WWOX: variants seen among roughly 807,000 people sequenced by gnomAD.
WWOX encodes WW domain containing oxidoreductase.
Under a neutral mutation model 46.2 loss-of-function variants are expected in WWOX, and 69 were observed. The observed-to-expected ratio is 1.49, with a 90% confidence interval of 1.23 to 1.82. The LOEUF is 1.82. WWOX is among the 40% of genes most tolerant of loss of function. The probability of loss-of-function intolerance (pLI) is 0.00; values close to 1 mark genes in which losing one functional copy is unlikely to be tolerated. For missense variants in WWOX, 919 were observed against 542.6 expected, an observed-to-expected ratio of 1.69 and a Z score of -6.89; for synonymous variants, 359 against 202.6, an observed-to-expected ratio of 1.77 and a Z score of -6.56.
chr16:78,606,865 C>A (rs142725183), intron 8 of WWOX, among the ~76,000 whole-genome samples: 1 of 152,042 alleles, frequency 6.6e-6, no homozygotes, highest in African/African-American at 2.4e-5. Flanking sequence ...AGTACCTGAA[C>A]ACTTGAGTGG....
chr16:78,135,483 T>G (rs868556434), intron 4 of WWOX, among the ~76,000 whole-genome samples: 5 of 152,202 alleles, frequency 3.3e-5, no homozygotes, highest in South Asian at 2.1e-4. Flanking sequence ...AAATTCAATT[T>G]TGTTAATGTT....
chr16:79,025,139 G>GTTTT (rs1354451832), intron 8 of WWOX, among the ~76,000 whole-genome samples: 1 of 152,144 alleles, frequency 6.6e-6, no homozygotes, highest in Non-Finnish European at 1.5e-5. Context: ...GTTTTGTTTT[G>GTTTT]TTTTGCTTGT....
intron 8 of WWOX, among the ~76,000 whole-genome samples, chr16:78,628,389 C>G (rs552045782): frequency 6.6e-6 from 1 of 152,264 alleles, no homozygotes; most frequent in Non-Finnish European, 1.5e-5. Flanking sequence ...TGTGGCCATT[C>G]TGATTTACTA....
chr16:79,123,866 A>G (rs1449983524), intron 8 of WWOX, among the ~76,000 whole-genome samples: 3 of 152,226 alleles, frequency 2.0e-5, no homozygotes, highest in Non-Finnish European at 2.9e-5. Context: ...ATACAGCAAC[A>G]ATAGTTAAGA....
intron 8 of WWOX, chr16:78,897,240 T>TTAAA (rs1300621739): frequency 1.9e-5 from 1 of 53,724 alleles, no homozygotes; most frequent in Non-Finnish European, 2.9e-5. Flanking sequence ...AGACTGTCTT[T>TTAAA]AAAAAAAAAA....
At chr16:78,204,564 A>G (rs2036333718) in intron 5 of WWOX, among the ~76,000 whole-genome samples, 1 of 151,642 alleles carries the variant, frequency 6.6e-6, no homozygotes, top group African/African-American at 2.4e-5. Flanking sequence ...ACCCCCCACT[A>G]CCCTTCCCAG....
At chr16:78,897,278 A>C (rs965552244) in intron 8 of WWOX, 4 of 151,272 alleles carry the variant, frequency 2.6e-5, no homozygotes, top group African/African-American at 9.7e-5. Flanking sequence ...CAAAAAAACA[A>C]AAACAAGAAC....
chr16:78,984,868 G>T (rs1009644882), intron 8 of WWOX, among the ~76,000 whole-genome samples: 14 of 152,198 alleles, frequency 9.2e-5, no homozygotes, highest in Non-Finnish European at 1.9e-4. Context: ...AGGGTGCATG[G>T]AGCGTGCAGG....
intron 8 of WWOX, among the ~76,000 whole-genome samples, chr16:78,832,447 T>G (rs1053121981): frequency 2.0e-5 from 3 of 152,126 alleles, no homozygotes; most frequent in Non-Finnish European, 4.4e-5. Flanking sequence ...AAGACCATAG[T>G]TAGGAGAGGG....
chr16:78,745,411 T>C (rs983298239), intron 8 of WWOX, among the ~76,000 whole-genome samples: 1 of 152,072 alleles, frequency 6.6e-6, no homozygotes, highest in Non-Finnish European at 1.5e-5. Context: ...GGCCTCTCCC[T>C]GTGTCATGCC....
At position 78,342,827 on chromosome 16, in the gene WWOX, G is replaced by A. The variant is rs1453925541; in HGVS notation, c.517-44033G>A. On this transcript the variant is annotated intron_variant, in intron 5 of 8. Coordinates refer to ENST00000566780, the MANE Select transcript of WWOX (RefSeq NM_016373.4). ...ATTCTGCCATCAACACCGAGGTGTC[G>A]GAGTAGCAGGAGAGCCACATATTTC... Among the ~76,000 whole-genome samples the A allele has an allele frequency of 3.3e-5, 4 of 120,310 alleles. 1 individual carries two copies. The highest frequency in any genetic ancestry group is 2.5e-4 in the South Asian group (1 of 4,038). The allele number at this position is 120,310 out of a possible 152,430, so 78.9% of individuals were successfully genotyped here.
chr16:78,136,673 G>A (rs2033801319), intron 4 of WWOX, among the ~76,000 whole-genome samples: 1 of 152,232 alleles, frequency 6.6e-6, no homozygotes, highest in Non-Finnish European at 1.5e-5. Flanking sequence ...AACCTGTAAA[G>A]AGATGTTTGG....
chr16:78,411,979 G>A (rs147551357), intron 6 of WWOX, among the ~76,000 whole-genome samples: 4 of 152,322 alleles, frequency 2.6e-5, no homozygotes, highest in African/African-American at 7.2e-5. Flanking sequence ...TTGTATCACC[G>A]AGTTGGTCCT....
chr16:78,556,820 G>C (rs543573058), intron 8 of WWOX, among the ~76,000 whole-genome samples: 2 of 152,176 alleles, frequency 1.3e-5, no homozygotes, highest in African/African-American at 4.8e-5. Context: ...CCGGGTTCAA[G>C]CAATTCTCGC....
intron 8 of WWOX, among the ~76,000 whole-genome samples, chr16:79,153,200 T>A (rs1472320253): frequency 6.6e-6 from 1 of 152,116 alleles, no homozygotes; most frequent in Non-Finnish European, 1.5e-5. Context: ...GAGGAGGAGA[T>A]TCAGGCCCAG....
At chr16:78,639,735 T>C (rs1363429971) in intron 8 of WWOX, among the ~76,000 whole-genome samples, 1 of 152,130 alleles carries the variant, frequency 6.6e-6, no homozygotes, top group East Asian at 1.9e-4. Flanking sequence ...AGCTAATTTT[T>C]TGTCTTTTTT....
At chr16:78,726,379 C>G (rs2048837743) in intron 8 of WWOX, among the ~76,000 whole-genome samples, 1 of 151,954 alleles carries the variant, frequency 6.6e-6, no homozygotes, top group Non-Finnish European at 1.5e-5. Flanking sequence ...GTATGCACCA[C>G]CACACGTGGC....
intron 8 of WWOX, among the ~76,000 whole-genome samples, chr16:78,791,916 A>G (rs867479302): frequency 1.5e-4 from 23 of 152,096 alleles, no homozygotes; most frequent in African/African-American, 3.4e-4. Flanking sequence ...CAAACAAGAA[A>G]CAAAAAATAC....
At chr16:78,105,663 T>C (rs1473301543) in intron 1 of WWOX, among the ~76,000 whole-genome samples, 1 of 152,188 alleles carries the variant, frequency 6.6e-6, no homozygotes, top group Non-Finnish European at 1.5e-5. Flanking sequence ...TGTTTACATT[T>C]GTGCGCCTGC....
Sources: allele counts gnomAD v4.1 joint callset (sites outside exome capture counted in the v4.1 genomes callset), GRCh38; gene constraint gnomAD v4.1.1; transcripts MANE v1.5; gene names NCBI Gene and HGNC (gene_info 2026-07-23, HGNC 2026-07-21).